The following VPS13C variants were observed in gnomAD, a reference collection of about 807,000 sequenced individuals.
VPS13C encodes the protein vacuolar protein sorting 13 homolog C.
In VPS13C, 358 loss-of-function variants were observed where a neutral mutation model predicts 456.8. That is an observed-to-expected ratio of 0.78 (90% CI 0.72 to 0.86). The LOEUF is 0.86. VPS13C is among the 40% of genes least tolerant of loss of function. VPS13C has a pLI of 0.00. For missense variants in VPS13C, 4,818 were observed against 4,385.4 expected, an observed-to-expected ratio of 1.10 and a Z score of -2.79; for synonymous variants, 1,578 against 1,486.7, an observed-to-expected ratio of 1.06 and a Z score of -1.41.
At position 61,909,764 on chromosome 15, in the gene VPS13C, G is replaced by A. The variant is rs373640137; in HGVS notation, c.8844+413C>T. ...GCATAGTATTCCATGGTGTATATGTGCCACATTTTCTTAATCCAGTCTATC... is the reference window on the plus strand; with the variant it reads ...GCATAGTATTCCATGGTGTATATGTACCACATTTTCTTAATCCAGTCTATC... On this transcript the variant is annotated intron_variant, in intron 64 of 84. Transcript: ENST00000644861. 1.2e-3 allele frequency among the ~76,000 whole-genome samples: 175 copies of A among 152,140 alleles called. No homozygotes were observed. The East Asian group carries it at 0.03, about 26-fold the overall frequency.
chr15:61,999,639 T>C (rs2046530497), intron 16 of VPS13C, among the ~76,000 whole-genome samples: 1 of 152,144 alleles, frequency 6.6e-6, no homozygotes, highest in Admixed American at 6.6e-5. Context: ...TTTCTAATTT[T>C]TCTACAATGA....
chr15:62,012,341 T>A (rs1220882690), intron 11 of VPS13C, among the ~76,000 whole-genome samples, 177 bp from the exon 12 acceptor site: 4 of 151,834 alleles, frequency 2.6e-5, no homozygotes, highest in African/African-American at 7.2e-5. Flanking sequence ...TTTATAAGTA[T>A]AAAGATACAG....
At chr15:61,913,474 T>C (rs2043364057) in intron 61 of VPS13C, 59 bp from the exon 62 acceptor site, 2 of 1,465,426 alleles carry the variant, frequency 1.4e-6, no homozygotes, top group Admixed American at 1.8e-5. Context: ...ATAATTTTAT[T>C]TGAGAGAAAG....
intron 71 of VPS13C, 105 bp downstream of exon 71, chr15:61,881,458 A>G (rs961902183): frequency 4.2e-6 from 5 of 1,197,014 alleles, no homozygotes; most frequent in Non-Finnish European, 5.7e-6. Context: ...TTCAGCTGGA[A>G]AATACTTTTT....
At chr15:62,011,217 T>C (rs766630675) in intron 12 of VPS13C, among the ~76,000 whole-genome samples, 2 of 152,070 alleles carry the variant, frequency 1.3e-5, no homozygotes, top group African/African-American at 2.4e-5. Context: ...AGTATCAAAC[T>C]ATAAAAACTG....
Position 61,868,732 on chromosome 15 carries a change from G to T in VPS13C, c.10790C>A (p.Pro3597His), listed in dbSNP as rs763280480. 1 of 1,614,102 alleles carries T rather than the reference G, an allele frequency of 6.2e-7. No homozygotes were observed. The highest frequency in any genetic ancestry group is 8.5e-7 in the Non-Finnish European group (1 of 1,180,016). The change falls in exon 81 of 85, where the codon CCT becomes CAT. Residue 3597 changes from proline (P) to histidine (H), a missense_variant. Physicochemically the swap from Pro to His is moderately conservative, Grantham distance 77 (BLOSUM62 -2). This residue lies in a region of VPS13C where 261 missense variants were observed against 234.1 expected (regional missense o/e 1.11). Coordinates refer to ENST00000644861, the MANE Select transcript of VPS13C (RefSeq NM_020821.3). ...STEEVSSLRP[P>H]RLIHEDGIIR... is the part of the protein sequence containing the mutation. ...GATGCCATCTTCATGGATCAGGCGAGGGGGACGGAGGCTAGATACTTCCTC... is the reference window on the plus strand; with the variant it reads ...GATGCCATCTTCATGGATCAGGCGATGGGGACGGAGGCTAGATACTTCCTC...
At chr15:62,009,711 C>A (rs1427187022) in intron 13 of VPS13C, among the ~76,000 whole-genome samples, 3 of 152,154 alleles carry the variant, frequency 2.0e-5, no homozygotes, top group African/African-American at 7.2e-5. Context: ...TTAGCTAAAT[C>A]TCCTGTCCTC....
intron 5 of VPS13C, among the ~76,000 whole-genome samples, chr15:62,031,247 T>C (rs1218843441): frequency 6.6e-6 from 1 of 152,038 alleles, no homozygotes; most frequent in Non-Finnish European, 1.5e-5. Context: ...ATAATTTTGT[T>C]TTCATTTTTA....
At chr15:61,942,106 T>C in intron 45 of VPS13C, 39 bp from the exon 46 acceptor site, 1 of 1,504,242 alleles carries the variant, frequency 6.6e-7, no homozygotes, top group Non-Finnish European at 8.9e-7. Flanking sequence ...AAAAAGGCAT[T>C]TATTTTTAAA....
At chr15:61,872,948 C>A (rs528631891) in intron 78 of VPS13C, among the ~76,000 whole-genome samples, 1 of 152,168 alleles carries the variant, frequency 6.6e-6, no homozygotes, top group African/African-American at 2.4e-5. Context: ...ACCTGCAGAG[C>A]TCCTTCTCCC....
chr15:61,966,083 C>T lies in VPS13C; in HGVS notation c.3051G>A (p.Lys1017=). Reference sequence around the variant, plus strand: ...AAATTCCTTTAACAGAATTTCTTACCTTAACTGTTTGTTCAGTTTTTCCAA... The same window carrying T: ...AAATTCCTTTAACAGAATTTCTTACTTTAACTGTTTGTTCAGTTTTTCCAA... ...TAFGKTEQTV[K]VAFSSLNLLL... The change falls in exon 30 of 85, where the codon AAG becomes AAA. Residue 1017 remains lysine (K), a splice_region_variant and synonymous_variant. Coordinates refer to ENST00000644861, the MANE Select transcript of VPS13C (RefSeq NM_020821.3). 6.3e-7 allele frequency: 1 copy of T among 1,598,676 alleles called. No homozygotes were observed. The highest frequency in any genetic ancestry group is 8.5e-7 in the Non-Finnish European group (1 of 1,171,238).
Position 61,867,066 on chromosome 15 carries a change from CTAAGA to C in VPS13C, c.10863+1588_10863+1592del, listed in dbSNP as rs1283279175. On this transcript the variant is annotated intron_variant, in intron 81 of 84. Coordinates refer to ENST00000644861, the MANE Select transcript of VPS13C (RefSeq NM_020821.3). This position sits in a 1 kb window ranked among gnomAD's most constrained non-coding sequence, Gnocchi z 5.0. ...AATAATGATTATAATTATTTTTTCTCTAAGATAATAAACCCTCTCTAAGGATTTAA... is the reference window on the plus strand; with the variant it reads ...AATAATGATTATAATTATTTTTTCTCTAATAAACCCTCTCTAAGGATTTAA... 1 of 924,540 alleles carries C rather than the reference CTAAGA, an allele frequency of 1.1e-6. No individual in the cohort carries two copies. Among genetic ancestry groups the C allele is most frequent in the African/African-American group, 1.8e-5 (1 of 56,008 alleles). 57.3% of individuals were successfully genotyped at this position (924,540 alleles called of 1,614,324 possible).
intron 42 of VPS13C, 110 bp from the exon 43 acceptor site, chr15:61,947,419 A>C: frequency 7.2e-6 from 5 of 695,798 alleles, no homozygotes; most frequent in Non-Finnish European, 1.2e-5. Context: ...TGAGGAACCA[A>C]AATGCCCTCC....
intron 27 of VPS13C, among the ~76,000 whole-genome samples, chr15:61,969,789 A>T (rs2045490858): frequency 6.6e-6 from 1 of 152,166 alleles, no homozygotes; most frequent in Admixed American, 6.6e-5. Flanking sequence ...TTTTTAAAGT[A>T]TCCCCATTAA....
At chr15:61,989,660 T>C (rs1186683488) in intron 18 of VPS13C, among the ~76,000 whole-genome samples, 2 of 152,134 alleles carry the variant, frequency 1.3e-5, no homozygotes, top group Non-Finnish European at 2.9e-5. Flanking sequence ...ACATAAAAAG[T>C]GCAAAACCTC....
chr15:61,969,439 A>C lies in VPS13C; in HGVS notation c.2771T>G (p.Phe924Cys), dbSNP rs189294948. 7 of 1,536,694 alleles carry C rather than the reference A, an allele frequency of 4.6e-6. No homozygotes were observed. In the East Asian group the frequency reaches 1.6e-4, roughly 35 times the overall value. ...KFEIKEVILE[F>C]TKQQKEEDTI... Reference sequence around the variant, plus strand: ...ATCTTCTTCTTTCTGCTGTTTAGTAAATTCCAAAATCACCTAAAAGAATTA... The same window carrying C: ...ATCTTCTTCTTTCTGCTGTTTAGTACATTCCAAAATCACCTAAAAGAATTA... Residue 924 changes from phenylalanine (F) to cysteine (C), a missense_variant, in exon 28 of 85, where the codon TTT (phenylalanine) becomes TGT (cysteine). Phe to Cys is a radical substitution (Grantham distance 205). This residue lies in a region of VPS13C where 4,552 missense variants were observed against 4,130.6 expected (regional missense o/e 1.10). Coordinates refer to ENST00000644861, the MANE Select transcript of VPS13C (RefSeq NM_020821.3).
At chr15:61,875,472 G>A (rs1895350471) in intron 76 of VPS13C, among the ~76,000 whole-genome samples, 1 of 152,012 alleles carries the variant, frequency 6.6e-6, no homozygotes, top group Non-Finnish European at 1.5e-5. Flanking sequence ...AGTCTTGAAA[G>A]TCTTAATCTA....
In VPS13C at chr15:61,917,496, A is replaced by C. The variant is rs374207023; in HGVS notation, c.7900T>G (p.Phe2634Val). 6.2e-7 allele frequency: 1 copy of C among 1,613,978 alleles called. No individual in the cohort carries two copies. Among genetic ancestry groups the C allele is most frequent in the Non-Finnish European group, 8.5e-7 (1 of 1,179,930 alleles). ...ACTGTATTCACTATGAGAGGTAAGA[A>C]GCTGACTTCTACTGATGGACACTGC... ...MLQCPSVEVSFLPLIVNTVAL... is the reference protein window; with the variant it reads ...MLQCPSVEVSVLPLIVNTVAL... The change falls in exon 60 of 85, where the codon TTC (phenylalanine) becomes GTC (valine). Residue 2634 changes from phenylalanine (F) to valine (V), a missense_variant. Physicochemically the swap from Phe to Val is conservative, Grantham distance 50. Transcript: ENST00000644861.
intron 74 of VPS13C, among the ~76,000 whole-genome samples, chr15:61,877,338 T>C (rs1055213055): frequency 1.3e-5 from 2 of 151,852 alleles, no homozygotes; most frequent in African/African-American, 4.8e-5. Flanking sequence ...GCACTTAGAA[T>C]TCTTTCTTTT....
Sources: allele counts gnomAD v4.1 joint callset (sites outside exome capture counted in the v4.1 genomes callset), GRCh38; gene constraint gnomAD v4.1.1; regional missense constraint gnomAD v4.1.1; non-coding constraint Gnocchi (gnomAD v3.1); transcripts MANE v1.5; gene names NCBI Gene and HGNC (gene_info 2026-07-23, HGNC 2026-07-21).